Variants in IGF2BP2 observed in about 807,000 individuals in gnomAD.
IGF2BP2 encodes insulin like growth factor 2 mRNA binding protein 2, also known as insulin-like growth factor 2 mRNA-binding protein 2.
Under a neutral mutation model 75.8 loss-of-function variants are expected in IGF2BP2, and 17 were observed. That is an observed-to-expected ratio of 0.22 (90% CI 0.15 to 0.34). IGF2BP2 has a LOEUF of 0.34. Among genes scored for constraint, IGF2BP2 ranks in the 10% least tolerant of loss-of-function variants. The pLI is 1.00. For missense variants in IGF2BP2, 516 were observed against 772.4 expected, an observed-to-expected ratio of 0.67 and a Z score of 3.93; for synonymous variants, 288 against 295.6, an observed-to-expected ratio of 0.97 and a Z score of 0.26.
intron 14 of IGF2BP2, among the ~76,000 whole-genome samples, chr3:185,649,002 ATC>A (rs1714093176): frequency 6.7e-6 from 1 of 150,210 alleles, no homozygotes; most frequent in Admixed American, 6.6e-5. Flanking sequence ...GTGGGTTAGC[ATC>A]TCTCTCGGTG....
chr3:185,738,089 T>C (rs1020667659), intron 2 of IGF2BP2, among the ~76,000 whole-genome samples: 1 of 152,240 alleles, frequency 6.6e-6, no homozygotes, highest in Non-Finnish European at 1.5e-5. Context: ...ATCTAATGAA[T>C]TGCTTTTAGA....
rs193001489 is a variant in IGF2BP2 at position 185,747,958 on chromosome 3, C to T, written c.240-49611G>A. 9.2e-5 allele frequency among the ~76,000 whole-genome samples: 14 copies of T among 152,046 alleles called. No individual in the cohort carries two copies. In the East Asian group the frequency reaches 2.1e-3, roughly 23 times the overall value. ...GCAACCTCCACCTCCCAGGTTCAAG[C>T]GATTCTCCTGCCTCAGCCTCCCGAG... is the stretch of plus-strand genomic sequence containing the variant. On this transcript the variant is annotated intron_variant, in intron 2 of 15. Transcript: ENST00000382199.
At chr3:185,773,532 TA>T (rs1421540810) in intron 2 of IGF2BP2, among the ~76,000 whole-genome samples, 1 of 152,210 alleles carries the variant, frequency 6.6e-6, no homozygotes, top group Admixed American at 6.5e-5. Context: ...TGTTTATGCT[TA>T]AAACTACTTA....
intron 2 of IGF2BP2, among the ~76,000 whole-genome samples, chr3:185,745,780 TGCTGCCCAACAG>T: frequency 6.7e-6 from 1 of 148,540 alleles, no homozygotes; most frequent in Non-Finnish European, 1.5e-5. Flanking sequence ...ACAGCATAGC[TGCTGCCCAACAG>T]GTTGAAATAT....
chr3:185,677,044 GATATATATATATAT>G (rs1164588813), intron 7 of IGF2BP2, among the ~76,000 whole-genome samples: 1 of 23,860 alleles, frequency 4.2e-5, no homozygotes, highest in African/African-American at 2.2e-4. Context: ...TATATATGGA[GATATATATATATAT>G]ATATATATAT....
intron 2 of IGF2BP2, among the ~76,000 whole-genome samples, chr3:185,734,701 C>T (rs986705879): frequency 6.6e-6 from 1 of 152,182 alleles, no homozygotes; most frequent in Non-Finnish European, 1.5e-5. Flanking sequence ...CTGCTTACAG[C>T]AGGGAAATTA....
chr3:185,661,961 G>C (rs1716517188), intron 10 of IGF2BP2, among the ~76,000 whole-genome samples: 1 of 152,090 alleles, frequency 6.6e-6, no homozygotes, highest in Non-Finnish European at 1.5e-5. Flanking sequence ...CTAGAAAAGG[G>C]GTTGGCCTAC....
intron 2 of IGF2BP2, among the ~76,000 whole-genome samples, chr3:185,703,045 C>T (rs77637148): frequency 0.027 from 4,139 of 152,274 alleles, 84 homozygotes; most frequent in Non-Finnish European, 0.04. Flanking sequence ...GGCCACCTAC[C>T]AGGAAACGAG....
chr3:185,794,595 T>G (rs1339875662), intron 2 of IGF2BP2, among the ~76,000 whole-genome samples: 6 of 152,114 alleles, frequency 3.9e-5, no homozygotes, highest in African/African-American at 1.2e-4. Context: ...ACAGTGCTTC[T>G]TTTTAAGCCT....
intron 1 of IGF2BP2, 107 bp downstream of exon 1, chr3:185,824,676 C>T: frequency 2.5e-6 from 2 of 789,426 alleles, no homozygotes; most frequent in Non-Finnish European, 3.4e-6. Context: ...AGCGTGCGGG[C>T]GCGGGAGCCG....
At position 185,645,765 on chromosome 3, in the gene IGF2BP2, T is replaced by A; in HGVS notation, c.1708-142A>T. ...AGCATCATCTACCCACCCCCGCACGTTACTCCAGGCCCTTTTCTGCCTGGA... is the reference window on the plus strand; with the variant it reads ...AGCATCATCTACCCACCCCCGCACGATACTCCAGGCCCTTTTCTGCCTGGA... On this transcript the variant is annotated intron_variant, in intron 15 of 15. Transcript: ENST00000382199. The surrounding 1 kb of genome is among the most constrained non-coding windows in gnomAD (Gnocchi z 4.9). 1.6e-6 allele frequency: 1 copy of A among 641,108 alleles called. No individual in the cohort carries two copies. The highest frequency in any genetic ancestry group is 1.9e-5 in the South Asian group (1 of 53,010). The allele number at this position is 641,108 out of a possible 1,614,324, so 39.7% of individuals were successfully genotyped here. A position where few individuals can be genotyped will look rare whatever the true frequency, so the allele number is the denominator to read the frequency against.
chr3:185,799,644 C>T (rs1260665072), intron 2 of IGF2BP2, among the ~76,000 whole-genome samples: 2 of 151,544 alleles, frequency 1.3e-5, no homozygotes, highest in Non-Finnish European at 2.9e-5. Flanking sequence ...CCCAGCTACT[C>T]GGGAGGCTGA....
chr3:185,696,073 C>G (rs1469732983), intron 4 of IGF2BP2, among the ~76,000 whole-genome samples: 1 of 152,174 alleles, frequency 6.6e-6, no homozygotes, highest in Non-Finnish European at 1.5e-5. Flanking sequence ...AGGTATGAGC[C>G]ACCACACCTG....
chr3:185,804,547 G>GT (rs1226338217), intron 2 of IGF2BP2, among the ~76,000 whole-genome samples: 1 of 152,042 alleles, frequency 6.6e-6, no homozygotes, highest in African/African-American at 2.4e-5. Context: ...TTGTTTTTTA[G>GT]TAACATTTTG....
intron 2 of IGF2BP2, among the ~76,000 whole-genome samples, chr3:185,755,383 G>C (rs181481926): frequency 1.1e-3 from 165 of 152,336 alleles, no homozygotes; most frequent in African/African-American, 3.8e-3. Flanking sequence ...GGCACCCCCT[G>C]CGTAGATTTC....
intron 2 of IGF2BP2, among the ~76,000 whole-genome samples, chr3:185,794,631 G>A (rs1737099480): frequency 7.6e-6 from 1 of 131,468 alleles, no homozygotes; most frequent in Non-Finnish European, 1.6e-5. Context: ...TTATTTGGAG[G>A]TCACATCTTT....
At chr3:185,677,838 T>G (rs759390472) in intron 7 of IGF2BP2, among the ~76,000 whole-genome samples, 2 of 151,170 alleles carry the variant, frequency 1.3e-5, no homozygotes, top group Admixed American at 6.6e-5. Flanking sequence ...GTTAAAGGAG[T>G]TCAACAGCAG....
Position 185,782,391 on chromosome 3 carries a change from T to G in IGF2BP2, c.239+40762A>C, listed in dbSNP as rs1003674778. On this transcript the variant is annotated intron_variant, in intron 2 of 15. Transcript: ENST00000382199. ...CCTTTTCCTCTGTATCACATTGATA[T>G]TCAACTAGACTAGAAGCATCATGTG... 2.0e-5 allele frequency among the ~76,000 whole-genome samples: 3 copies of G among 152,160 alleles called. No homozygotes were observed. In the South Asian group the frequency reaches 6.2e-4, roughly 32 times the overall value.
chr3:185,702,889 A>G (rs1424818731), intron 2 of IGF2BP2, among the ~76,000 whole-genome samples: 1 of 152,192 alleles, frequency 6.6e-6, no homozygotes, highest in East Asian at 1.9e-4. Flanking sequence ...TTTCACCTTC[A>G]TTTTAACTGG....
Sources: allele counts gnomAD v4.1 joint callset (sites outside exome capture counted in the v4.1 genomes callset), GRCh38; gene constraint gnomAD v4.1.1; non-coding constraint Gnocchi (gnomAD v3.1); transcripts MANE v1.5; gene names NCBI Gene and HGNC (gene_info 2026-07-23, HGNC 2026-07-21).